The following NFRKB variants were observed in gnomAD, a reference collection of about 807,000 sequenced individuals.
The protein encoded by NFRKB is nuclear factor related to kappa-B-binding protein.
Under a neutral mutation model 135.7 loss-of-function variants are expected in NFRKB, and 62 were observed. The observed-to-expected ratio is 0.46, with a 90% CI of 0.37 to 0.56. The LOEUF (loss-of-function observed/expected upper bound fraction) is 0.56. Ranked by LOEUF, NFRKB falls within the 20% of genes least tolerant of loss-of-function variation. The pLI is 0.00. For synonymous variants in NFRKB, 678 were observed against 635.6 expected, an observed-to-expected ratio of 1.07 and a Z score of -1.00; for missense variants, 1,545 against 1,662.0, an observed-to-expected ratio of 0.93 and a Z score of 1.22.
chr11:129,895,347 C>G (rs1398641070), intron 1 of NFRKB, 149 bp downstream of exon 1: 1 of 152,214 alleles, frequency 6.6e-6, no homozygotes, highest in Non-Finnish European at 1.5e-5. Context: ...CCCTAACCCC[C>G]AGCCTCACGC....
rs1267787058 is a variant in NFRKB, at chr11:129,874,509, A to G, written c.2050T>C (p.Ser684Pro). ...KALQQKPKPP[S>P]KVKSSSKESS... Reference sequence around the variant, plus strand: ...CTCCTGAAGTCACTTACCACCTTGGATGGGGGCTTGGGTTTTTGCTGAAGA... The same window carrying G: ...CTCCTGAAGTCACTTACCACCTTGGGTGGGGGCTTGGGTTTTTGCTGAAGA... Residue 684 changes from serine to proline, a missense_variant, in exon 20 of 27, where the codon TCC becomes CCC. By Grantham distance (74) the Ser-to-Pro change is moderately conservative (BLOSUM62 -1). Coordinates refer to ENST00000682444, the MANE Select transcript of NFRKB (RefSeq NM_001143835.2). The surrounding 1 kb of genome is among the most constrained non-coding windows in gnomAD (Gnocchi z 4.5). 1.2e-6 allele frequency: 2 copies of G among 1,613,874 alleles called. No individual in the cohort carries two copies. Among genetic ancestry groups the G allele is most frequent in the Admixed American group, 3.3e-5 (2 of 59,954 alleles).
At position 129,888,785 on chromosome 11, in the gene NFRKB, AAGATCTCAGGCTAGG is replaced by A. The variant is rs1949401414; in HGVS notation, c.136-5_145del. ...TGTTGAGAGGCTGACAACATCAAAG[AAGATCTCAGGCTAGG>A]AGAAATAGGAAAAGTAAACAAAAGT... On this transcript the variant is annotated splice_acceptor_variant and splice_polypyrimidine_tract_variant and coding_sequence_variant and intron_variant, in exon 4 of 27. Transcript: ENST00000682444. LOFTEE classifies it high-confidence loss of function. 1 of 1,613,146 alleles carries A rather than the reference AAGATCTCAGGCTAGG, an allele frequency of 6.2e-7. No individual in the cohort carries two copies. Among genetic ancestry groups the A allele is most frequent in the African/African-American group, 1.3e-5 (1 of 74,924 alleles).
chr11:129,882,043 T>A, intron 11 of NFRKB, 43 bp downstream of exon 11: 1 of 1,539,428 alleles, frequency 6.5e-7, no homozygotes, highest in Non-Finnish European at 8.8e-7. Context: ...ATTTGAACAC[T>A]TTGAAAACTC....
In NFRKB at chr11:129,873,697, T is replaced by A. The variant is rs748546473; in HGVS notation, c.2550+48A>T. 5.6e-6 allele frequency: 9 copies of A among 1,594,260 alleles called. No individual in the cohort carries two copies. In the South Asian group the frequency reaches 1.0e-4, roughly 18 times the overall value. On this transcript the variant is annotated intron_variant, in intron 22 of 26. Transcript: ENST00000682444. ...TGCCCATCTGACTCATCAGCCCACC[T>A]CTGGGTCTGCATCTCTGCTTCCCAA...
At chr11:129,885,990 GCA>G (rs1248450381) in intron 5 of NFRKB, among the ~76,000 whole-genome samples, 2 of 152,158 alleles carry the variant, frequency 1.3e-5, no homozygotes, top group Non-Finnish European at 2.9e-5. Flanking sequence ...AGAGGCCCAT[GCA>G]CACTTTCATA....
chr11:129,876,115 G>A (rs911144458), intron 17 of NFRKB, among the ~76,000 whole-genome samples: 2 of 152,170 alleles, frequency 1.3e-5, no homozygotes, highest in South Asian at 2.1e-4. Context: ...CTGTGATGGT[G>A]TAATAGAAAT....
Position 129,864,769 on chromosome 11 carries a change from C to T in NFRKB, c.3856G>A (p.Val1286Met). The change falls in exon 27 of 27, where the codon GTG (valine) becomes ATG (methionine). Residue 1286 changes from valine to methionine, a missense_variant. Physicochemically the swap from Val to Met is conservative, Grantham distance 21. This residue lies in a region of NFRKB where 753 missense variants were observed against 804.3 expected (regional missense o/e 0.94). Transcript: ENST00000682444. ...TGTTTAGGAGACGGAGCTGTAGTCA[C>T]AACAACAGTGGAGACTGCTTTGGAG... ...GSSKAVSTVV[V>M]TTAPSPKQAP... 6.2e-7 allele frequency: 1 copy of T among 1,614,180 alleles called. No homozygotes were observed. Among genetic ancestry groups the T allele is most frequent in the Non-Finnish European group, 8.5e-7 (1 of 1,180,032 alleles).
In NFRKB at chr11:129,869,806, T is replaced by A. The variant is rs979684176; in HGVS notation, c.3219A>T (p.Gly1073=). ...ALGVSVADQK[G]KSTVASSEAK... ...CTTCTGAAGAGGCCACTGTGCTTTT[T>A]CCCTTCTGGTCAGCCACACTCACGC... The change falls in exon 24 of 27, where the codon GGA becomes GGT. Residue 1073 remains glycine, a synonymous_variant. Coordinates refer to ENST00000682444, the MANE Select transcript of NFRKB (RefSeq NM_001143835.2). 6.2e-7 allele frequency: 1 copy of A among 1,614,232 alleles called. No homozygotes were observed. The highest frequency in any genetic ancestry group is 1.1e-5 in the South Asian group (1 of 91,086).
At chr11:129,866,688 T>C (rs933119564) in intron 24 of NFRKB, among the ~76,000 whole-genome samples, 1 of 152,220 alleles carries the variant, frequency 6.6e-6, no homozygotes, top group African/African-American at 2.4e-5. Context: ...ATGGTTAAGA[T>C]AGGTCACTGC....
intron 4 of NFRKB, among the ~76,000 whole-genome samples, chr11:129,887,782 G>A (rs945696632): frequency 2.6e-5 from 4 of 152,162 alleles, no homozygotes; most frequent in African/African-American, 9.7e-5. Context: ...TCACGCCTGT[G>A]ATCCCAGCAC....
At chr11:129,875,044 C>T (rs1028410491) in intron 18 of NFRKB, 128 bp from the exon 19 acceptor site, 15 of 1,194,958 alleles carry the variant, frequency 1.3e-5, no homozygotes, top group East Asian at 7.3e-5. Flanking sequence ...AGCCTAGCTG[C>T]GTATTCCCAA....
At chr11:129,880,719 G>T (rs145832481) in intron 13 of NFRKB, among the ~76,000 whole-genome samples, 1 of 152,102 alleles carries the variant, frequency 6.6e-6, no homozygotes, top group Non-Finnish European at 1.5e-5. Flanking sequence ...ACAGACCTTA[G>T]GCCCTACGAG....
Position 129,872,996 on chromosome 11 carries a change from G to A in NFRKB, c.2651C>T (p.Ala884Val), listed in dbSNP as rs1948587048. The A allele has an allele frequency of 6.2e-7, 1 of 1,614,224 alleles. No individual in the cohort carries two copies. Among genetic ancestry groups the A allele is most frequent in the Non-Finnish European group, 8.5e-7 (1 of 1,180,036 alleles). Reference protein sequence around the residue: ...QTGLTVTSLPATASPVSKPAT... With the variant: ...QTGLTVTSLPVTASPVSKPAT... ...TGGCTTACTCACAGGGCTGGCTGTG[G>A]CAGGGAGACTTGTCACCGTGAGCCC... The change falls in exon 23 of 27, where the codon GCC (alanine) becomes GTC (valine). Residue 884 changes from alanine to valine, a missense_variant. Physicochemically the swap from Ala to Val is moderately conservative, Grantham distance 64 (BLOSUM62 0). This residue lies in a region of NFRKB where 753 missense variants were observed against 804.3 expected (regional missense o/e 0.94). Coordinates refer to ENST00000682444, the MANE Select transcript of NFRKB (RefSeq NM_001143835.2).
Position 129,881,917 on chromosome 11 carries a change from T to C in NFRKB, c.1192-64A>G. 1.9e-6 allele frequency: 3 copies of C among 1,543,502 alleles called. 1 individual carries two copies. The highest frequency in any genetic ancestry group is 2.6e-5 in the South Asian group (2 of 77,922). On this transcript the variant is annotated intron_variant, in intron 11 of 26. Coordinates refer to ENST00000682444, the MANE Select transcript of NFRKB (RefSeq NM_001143835.2). Reference sequence around the variant, plus strand: ...TTCCACACCAGCAATTCCACACAAGTGCCACCACAACCTGCAGTATATGCA... The same window carrying C: ...TTCCACACCAGCAATTCCACACAAGCGCCACCACAACCTGCAGTATATGCA...
At chr11:129,867,478 G>A (rs927544196) in intron 24 of NFRKB, among the ~76,000 whole-genome samples, 3 of 151,908 alleles carry the variant, frequency 2.0e-5, no homozygotes, top group Admixed American at 6.6e-5. Flanking sequence ...CACCACGCCC[G>A]GCTAATTTTT....
chr11:129,890,198 GA>G (rs958214662), intron 3 of NFRKB, among the ~76,000 whole-genome samples: 9 of 151,940 alleles, frequency 5.9e-5, no homozygotes, highest in African/African-American at 1.9e-4. Context: ...GTTTCAGCAG[GA>G]AACAACCCAG....
At position 129,892,832 on chromosome 11, in the gene NFRKB, A is replaced by G. The variant is rs779069996; in HGVS notation, c.18T>C (p.His6=). MDSLD[H]MLTDPLELGP... is the part of the protein sequence containing the mutation. ...CAAGTTCCAGAGGATCTGTCAGCAT[A>G]TGGTCTAAGGAATCCATTGTTTCTT... The change falls in exon 3 of 27, where the codon CAT becomes CAC. Residue 6 remains histidine (H), a synonymous_variant. Coordinates refer to ENST00000682444, the MANE Select transcript of NFRKB (RefSeq NM_001143835.2). 2 of 1,614,214 alleles carry G rather than the reference A, an allele frequency of 1.2e-6. No homozygotes were observed. Among genetic ancestry groups the G allele is most frequent in the Admixed American group, 1.7e-5 (1 of 60,024 alleles).
Position 129,864,542 on chromosome 11 carries a change from A to C in NFRKB, c.*183T>G. 1.5e-6 allele frequency: 1 copy of C among 687,866 alleles called. No homozygotes were observed. Among genetic ancestry groups the C allele is most frequent in the Non-Finnish European group, 2.4e-6 (1 of 417,212 alleles). 42.6% of individuals were successfully genotyped at this position (687,866 alleles called of 1,614,324 possible). ...TGGAACCCTGGAGTGAACCTTTCTCAGGGTGCTCCACTATGGCACGTGGCA... is the reference window on the plus strand; with the variant it reads ...TGGAACCCTGGAGTGAACCTTTCTCCGGGTGCTCCACTATGGCACGTGGCA... On this transcript the variant is annotated 3_prime_UTR_variant, in exon 27 of 27. Coordinates refer to ENST00000682444, the MANE Select transcript of NFRKB (RefSeq NM_001143835.2).
intron 23 of NFRKB, among the ~76,000 whole-genome samples, chr11:129,871,671 G>C (rs1948513820): frequency 1.3e-5 from 2 of 152,126 alleles, no homozygotes. Flanking sequence ...CACCTCTGAT[G>C]AACGGTCACT....
Sources: allele counts gnomAD v4.1 joint callset (sites outside exome capture counted in the v4.1 genomes callset), GRCh38; gene constraint gnomAD v4.1.1; regional missense constraint gnomAD v4.1.1; non-coding constraint Gnocchi (gnomAD v3.1); transcripts MANE v1.5; gene names NCBI Gene and HGNC (gene_info 2026-07-23, HGNC 2026-07-21).